Variants in CAMTA1 observed in about 807,000 individuals in gnomAD.
CAMTA1 encodes the protein calmodulin binding transcription activator 1.
In CAMTA1, 27 loss-of-function variants were observed where a neutral mutation model predicts 170.9. The ratio of observed to expected loss-of-function variants is 0.16; its 90% CI spans 0.12 to 0.22. The LOEUF (loss-of-function observed/expected upper bound fraction) is 0.22, where lower values mean the gene tolerates loss of function less well. Among genes scored for constraint, CAMTA1 ranks in the 10% least tolerant of loss-of-function variants. The probability of loss-of-function intolerance (pLI) is 1.00; values close to 1 mark genes in which losing one functional copy is unlikely to be tolerated. For missense variants in CAMTA1, 1,619 were observed against 2,217.2 expected (o/e 0.73, Z 5.42); for synonymous variants, 833 against 891.5 (o/e 0.93, Z 1.17).
chr1:7,544,718 A>T (rs1725264), intron 6 of CAMTA1, among the ~76,000 whole-genome samples: 38,183 of 152,086 alleles, frequency 0.25, 4,906 homozygotes, highest in African/African-American at 0.28. Flanking sequence ...AAGGTTCAAG[A>T]CTGTGCAGCT....
intron 6 of CAMTA1, among the ~76,000 whole-genome samples, chr1:7,579,407 C>T (rs1333291392): frequency 6.6e-6 from 1 of 152,146 alleles, no homozygotes; most frequent in Non-Finnish European, 1.5e-5. Context: ...CATGACAGCC[C>T]TCAGGTGCTG....
At chr1:6,797,938 A>G (rs1425298471) in intron 1 of CAMTA1, among the ~76,000 whole-genome samples, 1 of 151,468 alleles carries the variant, frequency 6.6e-6, no homozygotes, top group Non-Finnish European at 1.5e-5. Context: ...TAATTTATAT[A>G]TTATTTAAAT....
chr1:7,469,650 C>T (rs977532582), intron 6 of CAMTA1, among the ~76,000 whole-genome samples: 1 of 152,262 alleles, frequency 6.6e-6, no homozygotes, highest in Non-Finnish European at 1.5e-5. Flanking sequence ...AGCCCAGCCA[C>T]CCGCTCCTCC....
intron 5 of CAMTA1, among the ~76,000 whole-genome samples, chr1:7,440,610 A>G (rs1445484209): frequency 6.6e-6 from 1 of 152,086 alleles, no homozygotes; most frequent in African/African-American, 2.4e-5. Flanking sequence ...CCAGAGGCAG[A>G]TATTTGTTTT....
intron 20 of CAMTA1, 64 bp from the exon 21 acceptor site, chr1:7,752,395 A>C (rs1385455095): frequency 6.4e-6 from 9 of 1,398,430 alleles, no homozygotes; most frequent in Non-Finnish European, 9.1e-6. Context: ...GTCACTGCTG[A>C]CCAGTTTTCC....
At chr1:7,424,807 T>C (rs1050777515) in intron 5 of CAMTA1, among the ~76,000 whole-genome samples, 2 of 152,088 alleles carry the variant, frequency 1.3e-5, no homozygotes, top group African/African-American at 4.8e-5. Context: ...AGTCTGGGCC[T>C]GCAGTGGGGA....
At chr1:6,969,354 G>A (rs1197185218) in intron 3 of CAMTA1, among the ~76,000 whole-genome samples, 1 of 152,324 alleles carries the variant, frequency 6.6e-6, no homozygotes, top group Admixed American at 6.5e-5. Context: ...AAGGAACGCT[G>A]CAGAAGTAAA....
rs1454373730 is a variant in CAMTA1 at position 7,580,841 on chromosome 1, G to C, written c.511-59559G>C. Among the ~76,000 whole-genome samples, 1 of 152,164 alleles carries C rather than the reference G, an allele frequency of 6.6e-6. No homozygotes were observed. The highest frequency in any genetic ancestry group is 2.4e-5 in the African/African-American group (1 of 41,426). On this transcript the variant is annotated intron_variant, in intron 6 of 22. Coordinates refer to ENST00000303635, the MANE Select transcript of CAMTA1 (RefSeq NM_015215.4). This position sits in a 1 kb window ranked among gnomAD's most constrained non-coding sequence, Gnocchi z 4.3. The stretch of plus-strand genomic sequence containing the variant: ...GCCCATCACAAGCCCATCCTTAGAG[G>C]GTTCAGAGTCATATGGTGTGAAACA...
At chr1:7,102,189 T>A (rs1380198150) in intron 4 of CAMTA1, among the ~76,000 whole-genome samples, 1 of 152,072 alleles carries the variant, frequency 6.6e-6, no homozygotes, top group Non-Finnish European at 1.5e-5. Flanking sequence ...GAAGAAAAAA[T>A]TAATTATTCT....
rs868077111 is a variant in CAMTA1, at chr1:7,044,702, C to T, written c.235-46602C>T. ...TCCCTCCCCTCTCTGGGCGACCTTC[C>T]GAGGAGGCATCAGCTCTTCCCTTGC... is the stretch of plus-strand genomic sequence containing the variant. On this transcript the variant is annotated intron_variant, in intron 3 of 22. Transcript: ENST00000303635. The surrounding 1 kb of genome is among the most constrained non-coding windows in gnomAD (Gnocchi z 5.0). Among the ~76,000 whole-genome samples the T allele has an allele frequency of 7.9e-5, 12 of 151,988 alleles. No individual in the cohort carries two copies. The highest frequency in any genetic ancestry group is 1.9e-4 in the East Asian group (1 of 5,136).
At chr1:6,946,532 G>A (rs1198275158) in intron 3 of CAMTA1, among the ~76,000 whole-genome samples, 2 of 152,114 alleles carry the variant, frequency 1.3e-5, no homozygotes, top group African/African-American at 2.4e-5. Context: ...CTGGGTATGA[G>A]GTGGTATCTC....
chr1:7,022,631 C>T (rs1201840042), intron 3 of CAMTA1, among the ~76,000 whole-genome samples: 1 of 152,176 alleles, frequency 6.6e-6, no homozygotes, highest in Non-Finnish European at 1.5e-5. Flanking sequence ...GCCTCACCTC[C>T]ATCTGATTGC....
intron 7 of CAMTA1, among the ~76,000 whole-genome samples, chr1:7,658,875 G>T (rs905022080): frequency 2.0e-5 from 3 of 152,210 alleles, no homozygotes; most frequent in Admixed American, 1.3e-4. Flanking sequence ...CCTCCAGGGA[G>T]CCCAAGATGA....
At position 7,737,513 on chromosome 1, in the gene CAMTA1, G is replaced by A. The variant is rs146414886; in HGVS notation, c.3601G>A (p.Ala1201Thr). The A allele has an allele frequency of 5.0e-6, 8 of 1,614,138 alleles. No homozygotes were observed. The highest frequency in any genetic ancestry group is 1.6e-4 in the Middle Eastern group (1 of 6,062). ...CTGGATGGCCCAGTGGCACAGCGAA[G>A]CCATCAGCTCTCCAGAAATACCCAA... Reference protein sequence around the residue: ...ESWMAQWHSEAISSPEIPKGV... With the variant: ...ESWMAQWHSETISSPEIPKGV... The change falls in exon 15 of 23, where the codon GCC becomes ACC. Residue 1201 changes from alanine to threonine, a missense_variant. By Grantham distance (58) the Ala-to-Thr change is moderately conservative. Transcript: ENST00000303635.
At position 7,044,816 on chromosome 1, in the gene CAMTA1, C is replaced by T. The variant is rs74051097; in HGVS notation, c.235-46488C>T. On this transcript the variant is annotated intron_variant, in intron 3 of 22. Transcript: ENST00000303635. This position sits in a 1 kb window ranked among gnomAD's most constrained non-coding sequence, Gnocchi z 5.0. Reference sequence around the variant, plus strand: ...CTCACGTCCTCTCCCCCACTCCCTCCTCTTCCCGCCTGTGGTTTTCTTTCC... The same window carrying T: ...CTCACGTCCTCTCCCCCACTCCCTCTTCTTCCCGCCTGTGGTTTTCTTTCC... Among the ~76,000 whole-genome samples, 2 of 151,380 alleles carry T rather than the reference C, an allele frequency of 1.3e-5. No homozygotes were observed. Among genetic ancestry groups the T allele is most frequent in the Non-Finnish European group, 2.9e-5 (2 of 67,854 alleles).
chr1:7,106,255 G>GGAGA (rs140851676), intron 4 of CAMTA1, among the ~76,000 whole-genome samples: 4,861 of 149,776 alleles, frequency 0.032, 239 homozygotes, highest in African/African-American at 0.11. Flanking sequence ...AGGGAGGAAG[G>GGAGA]GAGAGAGAGA....
At chr1:7,267,253 G>A (rs1035065568) in intron 5 of CAMTA1, among the ~76,000 whole-genome samples, 3 of 152,104 alleles carry the variant, frequency 2.0e-5, no homozygotes, top group Non-Finnish European at 4.4e-5. Context: ...ATTTTAGATG[G>A]CTTCACAGTG....
chr1:6,888,733 G>C (rs577365630), intron 3 of CAMTA1, among the ~76,000 whole-genome samples: 2 of 152,300 alleles, frequency 1.3e-5, no homozygotes, highest in Non-Finnish European at 2.9e-5. Context: ...AGATGCCATG[G>C]TTACCCCGTC....
chr1:7,019,558 C>T (rs1433406227), intron 3 of CAMTA1, among the ~76,000 whole-genome samples: 3 of 152,068 alleles, frequency 2.0e-5, no homozygotes, highest in African/African-American at 7.2e-5. Flanking sequence ...ACCAGCGACC[C>T]TTTCCTTCCC....
Sources: allele counts gnomAD v4.1 joint callset (sites outside exome capture counted in the v4.1 genomes callset), GRCh38; gene constraint gnomAD v4.1.1; non-coding constraint Gnocchi (gnomAD v3.1); transcripts MANE v1.5; gene names NCBI Gene and HGNC (gene_info 2026-07-23, HGNC 2026-07-21).